The following SPTB variants were observed in gnomAD, a reference collection of about 807,000 sequenced individuals.
SPTB encodes the protein spectrin beta, erythrocytic.
SPTB carries 45 observed loss-of-function variants against 256.2 expected under a neutral mutation model. The observed-to-expected ratio is 0.18, with a 90% CI of 0.14 to 0.23. The LOEUF is 0.23. Ranked by LOEUF, SPTB falls within the 10% of genes least tolerant of loss-of-function variation. The pLI, the probability that SPTB is intolerant of heterozygous loss-of-function variation, is 1.00. For missense variants in SPTB, 2,715 were observed against 3,040.4 expected, an observed-to-expected ratio of 0.89 and a Z score of 2.52; for synonymous variants, 1,231 against 1,243.1, an observed-to-expected ratio of 0.99 and a Z score of 0.21.
At chr14:64,797,480 AAAAAAAAAAAAAAAAAAAAAAAG>A (rs1480952260) in intron 10 of SPTB, among the ~76,000 whole-genome samples, 5 of 141,632 alleles carry the variant, frequency 3.5e-5, no homozygotes, top group South Asian at 2.2e-4. Context: ...AAAAAAAAAA[AAAAAAAAAAAAAAAAAAAAAAAG>A]GACTCAGGGA....
Position 64,752,511 on chromosome 14 carries a change from A to C in SPTB, c.6602+1026T>G, listed in dbSNP as rs200356074. On this transcript the variant is annotated intron_variant, in intron 33 of 35. Coordinates refer to ENST00000644917, the MANE Select transcript of SPTB (RefSeq NM_001355436.2). Reference sequence around the variant, plus strand: ...GAAGGAGCTGGGTCTTTGGAGAAAGAGCTTGCCTTGAACAAATGACTTAAC... The same window carrying C: ...GAAGGAGCTGGGTCTTTGGAGAAAGCGCTTGCCTTGAACAAATGACTTAAC... Among the ~76,000 whole-genome samples, 47 of 152,334 alleles carry C rather than the reference A, an allele frequency of 3.1e-4. 1 individual carries two copies. In the East Asian group the frequency reaches 7.3e-3, roughly 24 times the overall value.
Position 64,803,614 on chromosome 14 carries a change from C to T in SPTB, c.467G>A (p.Arg156His), listed in dbSNP as rs767566180. ...TACCCCCCAGGAACCCACCTGGAAG[C>T]GGAGGATGATGGTCCAGATGAGGCC... ...VLGLIWTIIL[R>H]FQIQDIVVQT... Residue 156 changes from arginine to histidine, a missense_variant, in exon 4 of 36, where the codon CGC (arginine) becomes CAC (histidine). Arg to His is a conservative substitution (Grantham distance 29, BLOSUM62 0). This residue lies in a region of SPTB where 416 missense variants were observed against 571.1 expected (regional missense o/e 0.73). Transcript: ENST00000644917. The T allele has an allele frequency of 1.4e-5, 22 of 1,614,018 alleles. No individual in the cohort carries two copies. The highest frequency in any genetic ancestry group is 1.5e-5 in the Non-Finnish European group (18 of 1,180,046).
At chr14:64,766,339 G>A (rs1399615517) in intron 32 of SPTB, 4 of 1,205,174 alleles carry the variant, frequency 3.3e-6, no homozygotes, top group African/African-American at 1.6e-5. Flanking sequence ...ACTGCCTAGA[G>A]GAAGGAGTTG....
At chr14:64,870,296 C>T (rs1045630890) in intron 1 of SPTB, among the ~76,000 whole-genome samples, 1 of 151,364 alleles carries the variant, frequency 6.6e-6, no homozygotes, top group Non-Finnish European at 1.5e-5. Context: ...CCATCACAAT[C>T]ACACACACAA....
intron 1 of SPTB, among the ~76,000 whole-genome samples, chr14:64,879,526 C>T (rs1191144985): frequency 1.3e-5 from 2 of 152,224 alleles, no homozygotes; most frequent in African/African-American, 4.8e-5. Context: ...CGGGATCCCG[C>T]TCTCCAAAGC....
chr14:64,875,033 T>C (rs531797385), intron 1 of SPTB, among the ~76,000 whole-genome samples: 1 of 152,292 alleles, frequency 6.6e-6, no homozygotes, highest in South Asian at 2.1e-4. Context: ...GCTCACATGA[T>C]ATATGCTGAG....
rs1164450927 is a variant in SPTB at position 64,764,584 on chromosome 14, C to T, written c.6345+2142G>A. 6.6e-6 allele frequency among the ~76,000 whole-genome samples: 1 copy of T among 152,244 alleles called. No homozygotes were observed. Among genetic ancestry groups the T allele is most frequent in the Non-Finnish European group, 1.5e-5 (1 of 68,042 alleles). ...TTATTCCCCCCAACCCAGTGACATT[C>T]AGGTGTTGGCTGGAGGCGGCTCTGA... On this transcript the variant is annotated intron_variant, in intron 32 of 35. Coordinates refer to ENST00000644917, the MANE Select transcript of SPTB (RefSeq NM_001355436.2). The surrounding 1 kb of genome is among the most constrained non-coding windows in gnomAD (Gnocchi z 4.2).
chr14:64,751,545 A>G (rs1428465323), intron 33 of SPTB, among the ~76,000 whole-genome samples: 3 of 152,244 alleles, frequency 2.0e-5, no homozygotes, highest in African/African-American at 7.2e-5. Context: ...TGTGATGAAC[A>G]TTCTTACACA....
Position 64,767,681 on chromosome 14 carries a change from G to A in SPTB, c.6201C>T (p.Ala2067=). The A allele has an allele frequency of 6.2e-7, 1 of 1,614,034 alleles. No individual in the cohort carries two copies. Among genetic ancestry groups the A allele is most frequent in the African/African-American group, 1.3e-5 (1 of 75,024 alleles). The change falls in exon 30 of 36, where the codon GCC becomes GCT. Residue 2067 remains alanine (A), a synonymous_variant. Coordinates refer to ENST00000644917, the MANE Select transcript of SPTB (RefSeq NM_001355436.2). The part of the protein sequence containing the change: ...STASWAERFA[A]LEKPTTLELK... ...TGCTCACCGTGGTGGGCTTCTCCAG[G>A]GCAGCAAAGCGCTCTGCCCAGCTGG... is the stretch of plus-strand genomic sequence containing the variant.
chr14:64,851,948 T>A (rs1378723650), intron 1 of SPTB, among the ~76,000 whole-genome samples: 2 of 152,074 alleles, frequency 1.3e-5, no homozygotes, highest in Non-Finnish European at 2.9e-5. Context: ...TTGATTGATA[T>A]GTGCAGAAAA....
Position 64,822,941 on chromosome 14 carries a change from C to G in SPTB, c.148+6G>C, listed in dbSNP as rs951492761. The G allele has an allele frequency of 1.2e-6, 2 of 1,613,192 alleles. No individual in the cohort carries two copies. Among genetic ancestry groups the G allele is most frequent in the African/African-American group, 1.3e-5 (1 of 75,036 alleles). On this transcript the variant is annotated splice_donor_region_variant and intron_variant, in intron 2 of 35. Coordinates refer to ENST00000644917, the MANE Select transcript of SPTB (RefSeq NM_001355436.2). Reference sequence around the variant, plus strand: ...GCCCTCCAACCCTTGTGGCCCCAAACAGTACCTGCCAAGGCCTTTATCCGG... The same window carrying G: ...GCCCTCCAACCCTTGTGGCCCCAAAGAGTACCTGCCAAGGCCTTTATCCGG...
intron 2 of SPTB, among the ~76,000 whole-genome samples, chr14:64,820,497 A>G (rs2083267956): frequency 6.6e-6 from 1 of 152,194 alleles, no homozygotes; most frequent in South Asian, 2.1e-4. Flanking sequence ...TTGCATATTT[A>G]CTTGTTGGCC....
chr14:64,774,977 G>A (rs2082335381), intron 23 of SPTB, 148 bp downstream of exon 23: 1 of 1,154,832 alleles, frequency 8.7e-7, no homozygotes, highest in Non-Finnish European at 1.3e-6. Flanking sequence ...AGGCACCAAG[G>A]GAGGGCAGGG....
chr14:64,771,644 G>T (rs1351350011), intron 26 of SPTB, among the ~76,000 whole-genome samples: 11 of 152,130 alleles, frequency 7.2e-5, no homozygotes, highest in African/African-American at 2.2e-4. Flanking sequence ...CCAAGGAAGT[G>T]GTTGCACCAG....
At position 64,825,009 on chromosome 14, in the gene SPTB, C is replaced by CA. The variant is rs1225556437; in HGVS notation, c.-51-1865dup. Among the ~76,000 whole-genome samples the CA allele has an allele frequency of 9.2e-5, 14 of 152,126 alleles. No homozygotes were observed. The highest frequency in any genetic ancestry group is 2.1e-4 in the Non-Finnish European group (14 of 68,026). ...AATGACTGCGGCTGGGACCAAAGGC[C>CA]AAACTGGAGCGCAGTTTATCCCCCT... On this transcript the variant is annotated intron_variant, in intron 1 of 35. Transcript: ENST00000644917. This position sits in a 1 kb window ranked among gnomAD's most constrained non-coding sequence, Gnocchi z 4.8.
rs550344847 is a variant in SPTB, at chr14:64,795,480, C to A, written c.1501G>T (p.Ala501Ser). The A allele has an allele frequency of 2.5e-6, 4 of 1,614,194 alleles. No individual in the cohort carries two copies. Among genetic ancestry groups the A allele is most frequent in the African/African-American group, 1.3e-5 (1 of 75,054 alleles). Residue 501 changes from alanine to serine, a missense_variant, in exon 12 of 36, where the codon GCC becomes TCC. By Grantham distance (99) the Ala-to-Ser change is moderately conservative (BLOSUM62 1). Transcript: ENST00000644917. The surrounding 1 kb of genome is among the most constrained non-coding windows in gnomAD (Gnocchi z 6.5). The stretch of plus-strand genomic sequence containing the variant: ...AGGCGCAGTATATTGTCCTTGCGGG[C>A]CGTGATGCGCTTCTGGTCATGGTAG... Reference protein sequence around the residue: ...ENYHDQKRITARKDNILRLWS... With the variant: ...ENYHDQKRITSRKDNILRLWS...
rs183388289 is a variant in SPTB, at chr14:64,807,157, C to A, written c.149-2067G>T. On this transcript the variant is annotated intron_variant, in intron 2 of 35. Transcript: ENST00000644917. This position sits in a 1 kb window ranked among gnomAD's most constrained non-coding sequence, Gnocchi z 4.7. Reference sequence around the variant, plus strand: ...AGATCTATTCTTTAAGTAGCTAACCCTTCAGGTCAGGTGTGGAGCCTCTGA... The same window carrying A: ...AGATCTATTCTTTAAGTAGCTAACCATTCAGGTCAGGTGTGGAGCCTCTGA... Among the ~76,000 whole-genome samples the A allele has an allele frequency of 8.5e-5, 13 of 152,326 alleles. No individual in the cohort carries two copies. The East Asian group carries it at 2.3e-3, about 27-fold the overall frequency.
intron 32 of SPTB, chr14:64,755,187 T>C (rs1039032872): frequency 6.6e-6 from 1 of 152,274 alleles, no homozygotes; most frequent in Non-Finnish European, 1.5e-5. Context: ...CATGTTCTCC[T>C]CCCTGGTCTG....
chr14:64,800,703 T>G, intron 8 of SPTB, 53 bp downstream of exon 8: 1 of 1,507,956 alleles, frequency 6.6e-7, no homozygotes, highest in Non-Finnish European at 9.2e-7. Context: ...CCACTCTGTC[T>G]GGACCTGACA....
Sources: gnomAD v4.1 joint callset for allele counts (sites outside exome capture counted in the v4.1 genomes callset) on GRCh38, gnomAD v4.1.1 for gene constraint, gnomAD v4.1.1 regional missense constraint, Gnocchi (gnomAD v3.1) non-coding constraint, MANE v1.5 for transcripts, NCBI Gene and HGNC (gene_info 2026-07-23, HGNC 2026-07-21) for gene names.